TMEM181: variants seen among roughly 807,000 people sequenced by gnomAD.
The protein encoded by TMEM181 is G protein-coupled receptor 178.
TMEM181 carries 39 observed loss-of-function variants against 71.9 expected under a neutral mutation model. The observed-to-expected ratio is 0.54, with a 90% CI of 0.42 to 0.71. The LOEUF (loss-of-function observed/expected upper bound fraction) is 0.71. TMEM181 is among the 30% of genes least tolerant of loss of function. The pLI, the probability that TMEM181 is intolerant of heterozygous loss-of-function variation, is 0.00. For missense variants in TMEM181, 595 were observed against 583.0 expected, an observed-to-expected ratio of 1.02 and a Z score of -0.21; for synonymous variants, 245 against 228.8, an observed-to-expected ratio of 1.07 and a Z score of -0.64.
chr6:158,595,058 T>TA (rs1583003729), intron 6 of TMEM181, among the ~76,000 whole-genome samples: 2 of 152,206 alleles, frequency 1.3e-5, no homozygotes, highest in Admixed American at 6.5e-5. Flanking sequence ...TGCCTTTTCT[T>TA]AGAGAGTGAA....
Position 158,633,388 on chromosome 6 carries a change from G to A in TMEM181, c.*1500G>A, listed in dbSNP as rs111558708. 9 of 152,258 alleles carry A rather than the reference G, an allele frequency of 5.9e-5. No individual in the cohort carries two copies. The highest frequency in any genetic ancestry group is 3.3e-4 in the Admixed American group (5 of 15,296). 9.4% of individuals were successfully genotyped at this position (152,258 alleles called of 1,614,324 possible). A position where few individuals can be genotyped will look rare whatever the true frequency, so the allele number is the denominator to read the frequency against. ...ACTCCATATAGAGTCTCATGTGGAC[G>A]TCTCCCGTGCTTTCCTCTTGACCTC... On this transcript the variant is annotated 3_prime_UTR_variant, in exon 17 of 17. Coordinates refer to ENST00000684151, the MANE Select transcript of TMEM181 (RefSeq NM_001376852.1).
upstream of TMEM181, among the ~76,000 whole-genome samples, chr6:158,558,630 C>T (rs939736991): frequency 2.6e-5 from 4 of 152,246 alleles, no homozygotes; most frequent in Non-Finnish European, 5.9e-5. Context: ...TGAGACTCAG[C>T]TGTTTGTTAC....
intron 1 of TMEM181, among the ~76,000 whole-genome samples, chr6:158,562,638 G>A (rs190859197): frequency 6.6e-5 from 10 of 152,264 alleles, no homozygotes; most frequent in Middle Eastern, 3.4e-3. Flanking sequence ...TGGTTTCAGG[G>A]TCCTGGGCCT....
intron 6 of TMEM181, among the ~76,000 whole-genome samples, chr6:158,603,313 A>G (rs550117067): frequency 1.1e-3 from 162 of 151,862 alleles, no homozygotes; most frequent in Middle Eastern, 3.4e-3. Flanking sequence ...ACTCAAGGGC[A>G]TTTCATTTAT....
intron 10 of TMEM181, among the ~76,000 whole-genome samples, chr6:158,619,068 G>T (rs1033394916): frequency 1.3e-5 from 2 of 152,184 alleles, no homozygotes; most frequent in African/African-American, 4.8e-5. Context: ...TCTCCTGGGG[G>T]ATAATATCCT....
intron 1 of TMEM181, among the ~76,000 whole-genome samples, chr6:158,550,783 T>C (rs1781695311): frequency 6.6e-6 from 1 of 151,640 alleles, no homozygotes; most frequent in Admixed American, 6.6e-5. Context: ...CCTAGCCTAG[T>C]CTACAGGCAA....
chr6:158,605,443 G>C lies in TMEM181; in HGVS notation c.573+96G>C, dbSNP rs947076761. 3.1e-5 allele frequency: 35 copies of C among 1,129,306 alleles called. No individual in the cohort carries two copies. In the Admixed American group the frequency reaches 5.6e-4, roughly 18 times the overall value. 70.0% of individuals were successfully genotyped at this position (1,129,306 alleles called of 1,614,324 possible). ...CTTCGGTGCAAGCCACATGGAGATT[G>C]ATCTGAACTCAGATGCTCCATCCAG... On this transcript the variant is annotated intron_variant, in intron 7 of 16. Transcript: ENST00000684151.
intron 10 of TMEM181, among the ~76,000 whole-genome samples, chr6:158,618,503 ATATTGT>A (rs1785754113): frequency 6.6e-6 from 1 of 152,156 alleles, no homozygotes; most frequent in Non-Finnish European, 1.5e-5. Context: ...TTTAAGGTTA[ATATTGT>A]TATGTGTGAA....
chr6:158,608,914 A>G (rs978834620), intron 10 of TMEM181, among the ~76,000 whole-genome samples, 164 bp downstream of exon 10: 1 of 152,150 alleles, frequency 6.6e-6, no homozygotes, highest in Non-Finnish European at 1.5e-5. Flanking sequence ...CCTGGGCAAC[A>G]TGGTGACACC....
At chr6:158,626,910 CCTCACCCTCATTCTCACCCTCATT>C (rs369391338) in intron 13 of TMEM181, among the ~76,000 whole-genome samples, 5 of 133,244 alleles carry the variant, frequency 3.8e-5, no homozygotes, top group Non-Finnish European at 7.9e-5. Flanking sequence ...ACTCACACAC[CCTCACCCTCATTCTCACCCTCATT>C]CTCACCCTCA....
intron 6 of TMEM181, among the ~76,000 whole-genome samples, chr6:158,598,226 G>A (rs1784488338): frequency 6.6e-6 from 1 of 152,180 alleles, no homozygotes; most frequent in African/African-American, 2.4e-5. Flanking sequence ...CTCTGGGCAC[G>A]TCACATGCGT....
chr6:158,539,989 G>C (rs1267281279), intron 1 of TMEM181, among the ~76,000 whole-genome samples: 1 of 152,186 alleles, frequency 6.6e-6, no homozygotes, highest in Non-Finnish European at 1.5e-5. Context: ...AAAAACCACA[G>C]CGAACCAGTC....
chr6:158,550,121 C>G (rs1301117866), intron 1 of TMEM181, among the ~76,000 whole-genome samples: 1 of 151,890 alleles, frequency 6.6e-6, no homozygotes. Context: ...GGTTGCTGGT[C>G]TGGTCCCATG....
chr6:158,626,553 G>A (rs1786285621), intron 13 of TMEM181: 1 of 456,350 alleles, frequency 2.2e-6, no homozygotes. Flanking sequence ...ACCTTGTGGA[G>A]GGCGAGGACT....
intron 1 of TMEM181, among the ~76,000 whole-genome samples, chr6:158,546,826 G>A (rs765183630): frequency 6.6e-6 from 1 of 152,112 alleles, no homozygotes; most frequent in Admixed American, 6.5e-5. Flanking sequence ...AGGGCGTGGT[G>A]GTGGGCGCCT....
At chr6:158,630,251 T>C (rs1325967787) in intron 15 of TMEM181, among the ~76,000 whole-genome samples, 3 of 152,134 alleles carry the variant, frequency 2.0e-5, no homozygotes. Flanking sequence ...ATCCCAGCAC[T>C]TCTGGAGGCC....
chr6:158,583,272 A>G (rs1430442509), intron 3 of TMEM181, among the ~76,000 whole-genome samples: 1 of 152,220 alleles, frequency 6.6e-6, no homozygotes, highest in African/African-American at 2.4e-5. Context: ...TCTTGTAAAT[A>G]TGAAAGCATT....
At chr6:158,544,824 C>G (rs902015133) in intron 1 of TMEM181, among the ~76,000 whole-genome samples, 4 of 152,300 alleles carry the variant, frequency 2.6e-5, no homozygotes, top group African/African-American at 2.4e-5. Context: ...ATGTTGTAGT[C>G]CCTCTTTTCC....
At chr6:158,543,493 G>A (rs745906555) in intron 1 of TMEM181, among the ~76,000 whole-genome samples, 9 of 152,186 alleles carry the variant, frequency 5.9e-5, no homozygotes, top group Admixed American at 2.0e-4. Flanking sequence ...GGGATGTATC[G>A]TCTCCTGGTT....
Sources: allele counts gnomAD v4.1 joint callset (sites outside exome capture counted in the v4.1 genomes callset), GRCh38; gene constraint gnomAD v4.1.1; transcripts MANE v1.5; gene names NCBI Gene and HGNC (gene_info 2026-07-23, HGNC 2026-07-21).